PDE1A: variants seen among roughly 807,000 people sequenced by gnomAD.
PDE1A encodes the protein phosphodiesterase 1A, also known as dual specificity calcium/calmodulin-dependent 3',5'-cyclic nucleotide phosphodiesterase 1A.
A neutral mutation model predicts 61.7 loss-of-function variants in PDE1A; 35 were observed. That is an observed-to-expected ratio of 0.57 (90% CI 0.43 to 0.75). The LOEUF (loss-of-function observed/expected upper bound fraction) is 0.75. PDE1A is among the 30% of genes least tolerant of loss of function. The probability of loss-of-function intolerance (pLI) is 0.00; values close to 1 mark genes in which losing one functional copy is unlikely to be tolerated. For missense variants in PDE1A, 597 were observed against 630.6 expected (o/e 0.95, Z 0.57); for synonymous variants, 232 against 213.2 (o/e 1.09, Z -0.77).
intron 2 of PDE1A, among the ~76,000 whole-genome samples, chr2:182,478,704 C>T (rs1687523643): frequency 6.6e-6 from 1 of 151,826 alleles, no homozygotes; most frequent in Admixed American, 6.6e-5. Flanking sequence ...AAATTTTGTG[C>T]AATTTCTTGG....
chr2:182,312,494 C>G (rs2623427), intron 1 of PDE1A, among the ~76,000 whole-genome samples: 141,453 of 152,218 alleles, frequency 0.93, 66,359 homozygotes, highest in East Asian at 0.99. Flanking sequence ...GTGAGATACT[C>G]CTAGCAGTTT....
intron 10 of PDE1A, among the ~76,000 whole-genome samples, chr2:182,194,862 C>T (rs1033331719): frequency 3.4e-5 from 5 of 145,864 alleles, no homozygotes; most frequent in African/African-American, 1.3e-4. Context: ...CAAAATTTCT[C>T]TGCATTTTTC....
chr2:182,151,677 G>T (rs900766017), intron 13 of PDE1A, among the ~76,000 whole-genome samples: 1 of 151,996 alleles, frequency 6.6e-6, no homozygotes, highest in Non-Finnish European at 1.5e-5. Context: ...TTAAAAATTA[G>T]TTTTGTTCTC....
intron 2 of PDE1A, among the ~76,000 whole-genome samples, chr2:182,453,376 G>T (rs550426704): frequency 6.6e-6 from 1 of 151,794 alleles, no homozygotes; most frequent in Non-Finnish European, 1.5e-5. Flanking sequence ...AGCCAAATTG[G>T]ACACATGATG....
chr2:182,145,595 G>C (rs1447958539), downstream of PDE1A, among the ~76,000 whole-genome samples: 1 of 152,124 alleles, frequency 6.6e-6, no homozygotes, highest in African/African-American at 2.4e-5. Context: ...CAGGCTTGGG[G>C]GTGGGTGCCT....
intron 7 of PDE1A, among the ~76,000 whole-genome samples, chr2:182,212,609 G>A (rs1000901465): frequency 4.5e-4 from 69 of 152,238 alleles, no homozygotes; most frequent in African/African-American, 1.5e-3. Context: ...CTTGGGAAGC[G>A]CAAGGGGTCA....
chr2:182,647,381 T>G, the PDE1A span, among the ~76,000 whole-genome samples: 1 of 152,222 alleles, frequency 6.6e-6, no homozygotes, highest in Non-Finnish European at 1.5e-5. Context: ...TTAGATTAGA[T>G]TGGATCGTAC....
chr2:182,614,658 A>G, the PDE1A span, among the ~76,000 whole-genome samples: 1 of 151,282 alleles, frequency 6.6e-6, no homozygotes, highest in African/African-American at 2.4e-5. Context: ...CCTGGGTTCA[A>G]GCAATTCTCC....
At chr2:182,166,502 G>A (rs563822348), downstream of PDE1A, among the ~76,000 whole-genome samples, 2 of 152,136 alleles carry the variant, frequency 1.3e-5, no homozygotes, top group Non-Finnish European at 2.9e-5. Context: ...CGGGAAGGGG[G>A]TGGTCTAAGG....
At chr2:182,199,929 A>G (rs1279044729) in intron 10 of PDE1A, among the ~76,000 whole-genome samples, 1 of 152,066 alleles carries the variant, frequency 6.6e-6, no homozygotes. Flanking sequence ...TATCTTCAGA[A>G]CAGGTATAAA....
chr2:182,447,390 A>G (rs987870877), intron 2 of PDE1A, among the ~76,000 whole-genome samples: 3 of 152,064 alleles, frequency 2.0e-5, no homozygotes, highest in Non-Finnish European at 4.4e-5. Context: ...CATTCTTGCC[A>G]AATTCTGACA....
At chr2:182,706,345 T>A in the PDE1A span, among the ~76,000 whole-genome samples, 3 of 152,208 alleles carry the variant, frequency 2.0e-5, no homozygotes, top group African/African-American at 4.8e-5. Flanking sequence ...TTCATCTTAC[T>A]TTTGATTATG....
intron 1 of PDE1A, among the ~76,000 whole-genome samples, chr2:182,360,529 G>GTTTT (rs200227796): frequency 5.4e-5 from 7 of 128,570 alleles, no homozygotes; most frequent in Admixed American, 2.3e-4. Context: ...GCAGTTTAGT[G>GTTTT]TTTTTTTTTT....
chr2:182,319,844 A>C (rs1340991747), intron 1 of PDE1A, among the ~76,000 whole-genome samples: 2 of 152,212 alleles, frequency 1.3e-5, no homozygotes. Context: ...TATTTTCTTT[A>C]GAGTTAGACT....
At chr2:182,588,296 T>C in the PDE1A span, among the ~76,000 whole-genome samples, 1 of 152,346 alleles carries the variant, frequency 6.6e-6, no homozygotes, top group South Asian at 2.1e-4. Flanking sequence ...CTGGAGTAAG[T>C]GGCCCAGGGA....
At position 182,393,984 on chromosome 2, in the gene PDE1A, A is replaced by C. The variant is rs186836317; in HGVS notation, c.53+32594T>G. ...TGTCTTCTGAGCTCTCCAAGTCTCC[A>C]GGAAGTTCCAAATTTCCCATATTTT... On this transcript the variant is annotated intron_variant, in intron 1 of 13. Transcript: ENST00000351439. Among the ~76,000 whole-genome samples, 134 of 152,332 alleles carry C rather than the reference A, an allele frequency of 8.8e-4. 2 individuals are homozygous for C. Among genetic ancestry groups the C allele is most frequent in the Admixed American group, 8.7e-3 (133 of 15,304 alleles).
At chr2:182,173,096 T>C (rs1217097629) in intron 13 of PDE1A, among the ~76,000 whole-genome samples, 1 of 152,028 alleles carries the variant, frequency 6.6e-6, no homozygotes, top group African/African-American at 2.4e-5. Flanking sequence ...GGCTCAGATT[T>C]AGATCTGTAC....
chr2:182,409,348 TTAAA>T (rs1347697214), intron 1 of PDE1A, among the ~76,000 whole-genome samples: 1 of 152,190 alleles, frequency 6.6e-6, no homozygotes, highest in African/African-American at 2.4e-5. Flanking sequence ...AGATAACCAA[TTAAA>T]TAAGGCCCAA....
the PDE1A span, among the ~76,000 whole-genome samples, chr2:182,649,407 C>T: frequency 3.3e-5 from 5 of 151,974 alleles, no homozygotes; most frequent in East Asian, 1.9e-4. Context: ...CATAGAGAGA[C>T]GCAGGAAGCT....
Sources: allele counts gnomAD v4.1 joint callset (sites outside exome capture counted in the v4.1 genomes callset), GRCh38; gene constraint gnomAD v4.1.1; transcripts MANE v1.5; gene names NCBI Gene and HGNC (gene_info 2026-07-23, HGNC 2026-07-21).